Variants in NCALD observed in about 807,000 individuals in gnomAD.
NCALD encodes neurocalcin delta.
A neutral mutation model predicts 18.6 loss-of-function variants in NCALD; 10 were observed. The ratio of observed to expected loss-of-function variants is 0.54; its 90% CI spans 0.33 to 0.91. The LOEUF (loss-of-function observed/expected upper bound fraction) is 0.91. Among genes scored for constraint, NCALD ranks in the 40% least tolerant of loss-of-function variants. The probability of loss-of-function intolerance (pLI) is 0.03; values close to 1 mark genes in which losing one functional copy is unlikely to be tolerated. For synonymous variants in NCALD, 88 were observed against 87.4 expected (o/e 1.01, Z -0.04); for missense variants, 184 against 247.6 (o/e 0.74, Z 1.72).
At position 101,740,138 on chromosome 8, in the gene NCALD, T is replaced by G. The variant is rs1241900311; in HGVS notation, c.-19-20490A>C. Among the ~76,000 whole-genome samples, 4 of 152,230 alleles carry G rather than the reference T, an allele frequency of 2.6e-5. No individual in the cohort carries two copies. In the East Asian group the frequency reaches 5.8e-4, roughly 22 times the overall value. The stretch of plus-strand genomic sequence containing the variant: ...TCTACTCCTAATCTCACCATACAGA[T>G]TATAAAAGAGTTAAATTAGCAGAGG... On this transcript the variant is annotated intron_variant, in intron 1 of 3. Transcript: ENST00000220931.
At chr8:101,896,152 G>A (rs2131540963) in intron 3 of NCALD, among the ~76,000 whole-genome samples, 1 of 151,586 alleles carries the variant, frequency 6.6e-6, no homozygotes, top group South Asian at 2.1e-4. Context: ...GCATGGTACT[G>A]GTACCAAAAC....
At chr8:101,793,213 G>A (rs900638944), upstream of NCALD, among the ~76,000 whole-genome samples, 5 of 152,088 alleles carry the variant, frequency 3.3e-5, no homozygotes, top group Non-Finnish European at 5.9e-5. Flanking sequence ...AGCCAGGCAT[G>A]GTGGCACATG....
At chr8:101,815,559 AC>A (rs1451970152) in intron 4 of NCALD, among the ~76,000 whole-genome samples, 1 of 152,152 alleles carries the variant, frequency 6.6e-6, no homozygotes, top group Admixed American at 6.6e-5. Flanking sequence ...AAGATGCTTC[AC>A]ATTAGATGTC....
At chr8:101,837,283 C>T (rs1814453802) in intron 4 of NCALD, among the ~76,000 whole-genome samples, 1 of 142,172 alleles carries the variant, frequency 7.0e-6, no homozygotes, top group South Asian at 2.1e-4. Flanking sequence ...ATCTGTAAAC[C>T]CACTGAGACC....
intron 2 of NCALD, among the ~76,000 whole-genome samples, chr8:101,938,028 G>A (rs1025836807): frequency 2.6e-5 from 4 of 152,176 alleles, no homozygotes; most frequent in African/African-American, 9.7e-5. Flanking sequence ...TCCAAGTCTA[G>A]TGCATGCTCC....
chr8:102,006,052 G>C (rs1051843912), intron 2 of NCALD, among the ~76,000 whole-genome samples: 1 of 151,556 alleles, frequency 6.6e-6, no homozygotes, highest in African/African-American at 2.4e-5. Context: ...AAACTGGAGA[G>C]TTAACAAAAT....
At chr8:101,837,812 T>C (rs1296509464) in intron 4 of NCALD, among the ~76,000 whole-genome samples, 2 of 152,156 alleles carry the variant, frequency 1.3e-5, no homozygotes, top group Non-Finnish European at 2.9e-5. Context: ...CTTGAACTGG[T>C]GATGAAAAGG....
intron 1 of NCALD, among the ~76,000 whole-genome samples, chr8:101,781,468 G>A (rs560437714): frequency 9.9e-5 from 15 of 152,270 alleles, no homozygotes; most frequent in African/African-American, 3.6e-4. Flanking sequence ...AATGGCCTTG[G>A]GGCAAAGGCC....
rs138366846 is a variant in NCALD at position 101,888,235 on chromosome 8, C to T, written c.-106-1008G>A. 4.3e-3 allele frequency among the ~76,000 whole-genome samples: 658 copies of T among 152,164 alleles called. 8 individuals are homozygous for T. Among genetic ancestry groups the T allele is most frequent in the Middle Eastern group, 0.017 (5 of 294 alleles). ...AGTGGGAAGTGGATCAGCAAATGTCCACCACAACAGTGCTTGACAATAATC... is the reference window on the plus strand; with the variant it reads ...AGTGGGAAGTGGATCAGCAAATGTCTACCACAACAGTGCTTGACAATAATC... On this transcript the variant is annotated intron_variant, in intron 3 of 6. Coordinates refer to the NCALD transcript ENST00000311028.
chr8:101,858,806 A>G (rs1815423990), intron 4 of NCALD, among the ~76,000 whole-genome samples: 1 of 152,160 alleles, frequency 6.6e-6, no homozygotes, highest in African/African-American at 2.4e-5. Flanking sequence ...CGAGCTTGTT[A>G]GTATAGTGCA....
intron 2 of NCALD, among the ~76,000 whole-genome samples, chr8:101,702,388 AC>A (rs940796853): frequency 2.6e-5 from 4 of 152,096 alleles, no homozygotes; most frequent in African/African-American, 7.2e-5. Flanking sequence ...GGCATGTGCC[AC>A]CACACTGGGT....
At chr8:101,960,051 C>T (rs915782082) in intron 2 of NCALD, among the ~76,000 whole-genome samples, 1 of 152,132 alleles carries the variant, frequency 6.6e-6, no homozygotes, top group Non-Finnish European at 1.5e-5. Context: ...TTTGGGCTAA[C>T]ATGGTCCAGA....
In NCALD at chr8:102,111,410, A is replaced by T. The variant is rs1825634603; in HGVS notation, c.-210+12827T>A. Among the ~76,000 whole-genome samples the T allele has an allele frequency of 2.7e-5, 3 of 111,072 alleles. No individual in the cohort carries two copies. The South Asian group carries it at 1.0e-3, about 38-fold the overall frequency. The allele number at this position is 111,072 out of a possible 152,430, so 72.9% of individuals were successfully genotyped here. ...GAAAATTTAGATCATATGTCTAAAGAGATGTGTGTGTGTGTGTGTGTGTGT... is the reference window on the plus strand; with the variant it reads ...GAAAATTTAGATCATATGTCTAAAGTGATGTGTGTGTGTGTGTGTGTGTGT... On this transcript the variant is annotated intron_variant, in intron 1 of 6. Transcript: ENST00000311028.
chr8:101,847,758 C>A (rs1049365597), intron 4 of NCALD, among the ~76,000 whole-genome samples: 1 of 152,076 alleles, frequency 6.6e-6, no homozygotes, highest in Non-Finnish European at 1.5e-5. Flanking sequence ...AACATGGGAC[C>A]CAAGGAGACT....
At chr8:101,801,829 G>A (rs1812877227) in intron 4 of NCALD, among the ~76,000 whole-genome samples, 1 of 151,626 alleles carries the variant, frequency 6.6e-6, no homozygotes, top group South Asian at 2.1e-4. Flanking sequence ...ACCATGCCCA[G>A]CTAATTTTTT....
chr8:101,871,041 G>T (rs2131406327), intron 4 of NCALD, among the ~76,000 whole-genome samples: 1 of 152,160 alleles, frequency 6.6e-6, no homozygotes, highest in African/African-American at 2.4e-5. Flanking sequence ...TATCCTAGTT[G>T]AGGTTCTAGA....
chr8:101,943,463 C>T (rs963333076), intron 2 of NCALD, among the ~76,000 whole-genome samples: 1 of 152,160 alleles, frequency 6.6e-6, no homozygotes, highest in African/African-American at 2.4e-5. Flanking sequence ...TCTATGAATA[C>T]AAATGACTAT....
intron 2 of NCALD, among the ~76,000 whole-genome samples, chr8:101,973,509 A>T (rs1213613646): frequency 6.6e-6 from 1 of 152,218 alleles, no homozygotes; most frequent in Non-Finnish European, 1.5e-5. Context: ...AAGAAAACTA[A>T]TATTTAACCC....
At chr8:102,074,598 T>C (rs1372390516) in intron 1 of NCALD, among the ~76,000 whole-genome samples, 1 of 152,190 alleles carries the variant, frequency 6.6e-6, no homozygotes, top group African/African-American at 2.4e-5. Context: ...TGACTGGTTT[T>C]TGAGTCTCAG....
Sources: gnomAD v4.1 joint callset for allele counts (sites outside exome capture counted in the v4.1 genomes callset) on GRCh38, gnomAD v4.1.1 for gene constraint, MANE v1.5 for transcripts, NCBI Gene and HGNC (gene_info 2026-07-23, HGNC 2026-07-21) for gene names.